The following SALL4 variants were observed in gnomAD, a reference collection of about 807,000 sequenced individuals.
SALL4 encodes the protein sal-like protein 4.
A neutral mutation model predicts 60.8 loss-of-function variants in SALL4; 4 were observed. The observed-to-expected ratio is 0.07, with a 90% CI of 0.03 to 0.15. The LOEUF is 0.15. SALL4 is among the 10% of genes least tolerant of loss of function. The pLI is 1.00. For synonymous variants in SALL4, 580 were observed against 574.9 expected (o/e 1.01, Z -0.13); for missense variants, 1,178 against 1,394.7 (o/e 0.84, Z 2.48).
rs1288062249 is a variant in SALL4, at chr20:51,792,279, C to T, written c.204G>A (p.Arg68=). 1 of 1,611,660 alleles carries T rather than the reference C, an allele frequency of 6.2e-7. No homozygotes were observed. The highest frequency in any genetic ancestry group is 1.3e-5 in the African/African-American group (1 of 75,014). ...ATTTCTCACAGACGTGCGTCTCCTC[C>T]CGACGAAGCCGCTTTACTGTGGCTT... is the stretch of plus-strand genomic sequence containing the variant. The part of the protein sequence containing the change: ...EDEATVKRLR[R]EETHVCEKCC... Residue 68 remains arginine, a synonymous_variant, in exon 2 of 4, where the codon CGG becomes CGA. Coordinates refer to ENST00000217086, the MANE Select transcript of SALL4 (RefSeq NM_020436.5).
Position 51,791,703 on chromosome 20 carries a change from C to G in SALL4, c.780G>C (p.Leu260Phe). ...AAACCTGCTGAGACATGTGGCTGCC[C>G]AAGGTCTTCAGAGTGTCGGCCCCTG... Reference protein sequence around the residue: ...SGAGADTLKTLGSHMSQQVSA... With the variant: ...SGAGADTLKTFGSHMSQQVSA... The change falls in exon 2 of 4, where the codon TTG (leucine) becomes TTC (phenylalanine). Residue 260 changes from leucine to phenylalanine, a missense_variant. Around this residue, in one of 5 missense-constraint regions of SALL4, gnomAD observed 853 missense variants for 1,036.8 expected, o/e 0.82. Coordinates refer to ENST00000217086, the MANE Select transcript of SALL4 (RefSeq NM_020436.5). The surrounding 1 kb of genome is among the most constrained non-coding windows in gnomAD (Gnocchi z 4.6). The G allele has an allele frequency of 6.2e-7, 1 of 1,614,210 alleles. No individual in the cohort carries two copies. The highest frequency in any genetic ancestry group is 8.5e-7 in the Non-Finnish European group (1 of 1,180,048).
At chr20:51,785,985 G>A (rs2077989538) in intron 3 of SALL4, among the ~76,000 whole-genome samples, 1 of 150,714 alleles carries the variant, frequency 6.6e-6, no homozygotes, top group African/African-American at 2.4e-5. Flanking sequence ...CAGTGCAGTG[G>A]CACAGCTCAC....
intron 1 of SALL4, among the ~76,000 whole-genome samples, chr20:51,800,891 T>C (rs1320000800): frequency 6.6e-6 from 1 of 152,162 alleles, no homozygotes; most frequent in East Asian, 1.9e-4. Flanking sequence ...AACGGGGAAT[T>C]CTATTGACGT....
Position 51,791,792 on chromosome 20 carries a change from G to C in SALL4, c.691C>G (p.Leu231Val), listed in dbSNP as rs763201876. Residue 231 changes from leucine (L) to valine (V), a missense_variant, in exon 2 of 4, where the codon CTC (leucine) becomes GTC (valine). Coordinates refer to ENST00000217086, the MANE Select transcript of SALL4 (RefSeq NM_020436.5). This position sits in a 1 kb window ranked among gnomAD's most constrained non-coding sequence, Gnocchi z 4.6. ...ACCTGGATGCGGATCTGCTCGGTGAGCTGGATCTGCTGTAGCTGCTGCTGC... is the reference window on the plus strand; with the variant it reads ...ACCTGGATGCGGATCTGCTCGGTGACCTGGATCTGCTGTAGCTGCTGCTGC... Reference protein sequence around the residue: ...LQQQQLQQIQLTEQIRIQVNM... With the variant: ...LQQQQLQQIQVTEQIRIQVNM... 2 of 1,614,084 alleles carry C rather than the reference G, an allele frequency of 1.2e-6. No homozygotes were observed. The highest frequency in any genetic ancestry group is 1.7e-6 in the Non-Finnish European group (2 of 1,180,052).
Position 51,784,637 on chromosome 20 carries a change from TC to T in SALL4, c.2789del (p.Gly930GlufsTer13), listed in dbSNP as rs764244332. 5.4e-5 allele frequency: 87 copies of T among 1,614,058 alleles called. No homozygotes were observed. Among genetic ancestry groups the T allele is most frequent in the Non-Finnish European group, 7.2e-5 (85 of 1,180,042 alleles). On this transcript the variant is annotated frameshift_variant, in exon 4 of 4. Coordinates refer to ENST00000217086, the MANE Select transcript of SALL4 (RefSeq NM_020436.5). LOFTEE classifies it low-confidence loss of function (END_TRUNC). The part of the protein sequence containing the change: ...HGANNNSARR[G>X]RKLAIENTMA... ...TGGTGTTCTCGATGGCCAACTTCCT[TC>T]CACGGCGGGCTGAGTTATTGTTCGC...
rs143984107 is a variant in SALL4 at position 51,791,522 on chromosome 20, G to T, written c.961C>A (p.Arg321=). 5.0e-6 allele frequency: 8 copies of T among 1,613,930 alleles called. No individual in the cohort carries two copies. Among genetic ancestry groups the T allele is most frequent in the Non-Finnish European group, 6.8e-6 (8 of 1,180,028 alleles). The change falls in exon 2 of 4, where the codon CGG becomes AGG. Residue 321 remains arginine (R), a synonymous_variant. Coordinates refer to ENST00000217086, the MANE Select transcript of SALL4 (RefSeq NM_020436.5). The surrounding 1 kb of genome is among the most constrained non-coding windows in gnomAD (Gnocchi z 4.6). The part of the protein sequence containing the change: ...APFTLKPDGT[R]VLPNVMSRLP... The stretch of plus-strand genomic sequence containing the variant: ...CGGGACATGACGTTCGGGAGCACCC[G>T]GGTCCCATCCGGCTTCAGAGTGAAG...
At chr20:51,789,206 CAA>C in intron 2 of SALL4, 65 bp from the exon 3 acceptor site, 1 of 1,567,016 alleles carries the variant, frequency 6.4e-7, no homozygotes, top group South Asian at 1.2e-5. Flanking sequence ...CTCTTCAAAG[CAA>C]AAGAGATCTT....
At chr20:51,792,614 A>T in intron 1 of SALL4, 1 of 544,660 alleles carries the variant, frequency 1.8e-6, no homozygotes, top group Non-Finnish European at 2.9e-6. Context: ...GCTTGAACCC[A>T]GGAGGCAGAG....
chr20:51,801,921 G>GC lies in SALL4; in HGVS notation c.130+357_130+358insG, dbSNP rs532111333. On this transcript the variant is annotated intron_variant, in intron 1 of 3. Transcript: ENST00000217086. The surrounding 1 kb of genome is among the most constrained non-coding windows in gnomAD (Gnocchi z 5.2). ...GAGGGAGGGGGACCTAAGTTACAAG[G>GC]GGGGGGGGTAACACCAGTGAGGGGA... Among the ~76,000 whole-genome samples the GC allele has an allele frequency of 2.1e-4, 17 of 80,618 alleles. No homozygotes were observed. Among genetic ancestry groups the GC allele is most frequent in the Non-Finnish European group, 1.8e-4 (6 of 32,688 alleles). The allele number at this position is 80,618 out of a possible 152,430, so 52.9% of individuals were successfully genotyped here. A position where few individuals can be genotyped will look rare whatever the true frequency, so the allele number is the denominator to read the frequency against.
intron 3 of SALL4, 149 bp from the exon 4 acceptor site, chr20:51,784,833 A>C: frequency 2.3e-6 from 2 of 870,752 alleles, no homozygotes; most frequent in East Asian, 5.2e-5. Context: ...TGCCCAGATA[A>C]ACTGATTGAA....
At chr20:51,785,879 T>C in intron 3 of SALL4, among the ~76,000 whole-genome samples, 1 of 151,960 alleles carries the variant, frequency 6.6e-6, no homozygotes, top group Non-Finnish European at 1.5e-5. Flanking sequence ...CGTGACCTCG[T>C]GGTCCGCCTG....
rs1258219261 is a variant in SALL4, at chr20:51,795,876, C to T, written c.131-3524G>A. Among the ~76,000 whole-genome samples the T allele has an allele frequency of 2.0e-5, 3 of 152,026 alleles. No individual in the cohort carries two copies. The East Asian group carries it at 5.8e-4, about 29-fold the overall frequency. ...TAAATAAGTTAGGGTGCAGAAAAGG[C>T]GAACGCTTTATAGCCTCCAGAAATA... is the stretch of plus-strand genomic sequence containing the variant. On this transcript the variant is annotated intron_variant, in intron 1 of 3. Transcript: ENST00000217086.
In SALL4 at chr20:51,790,444, C is replaced by A; in HGVS notation, c.2039G>T (p.Gly680Val). The A allele has an allele frequency of 1.2e-6, 2 of 1,614,114 alleles. No individual in the cohort carries two copies. Among genetic ancestry groups the A allele is most frequent in the Non-Finnish European group, 8.5e-7 (1 of 1,180,028 alleles). The part of the protein sequence containing the change: ...PMTVGENGST[G>V]AICHDDVIES... ...GATGACATCATCATGGCAGATAGCGCCGGTGCTGCCGTTCTCACCCACGGT... is the reference window on the plus strand; with the variant it reads ...GATGACATCATCATGGCAGATAGCGACGGTGCTGCCGTTCTCACCCACGGT... The change falls in exon 2 of 4, where the codon GGC (glycine) becomes GTC (valine). Residue 680 changes from glycine (G) to valine (V), a missense_variant. By Grantham distance (109) the Gly-to-Val change is moderately radical (BLOSUM62 -3). This residue lies in a region of SALL4 where 853 missense variants were observed against 1,036.8 expected (regional missense o/e 0.82). Coordinates refer to ENST00000217086, the MANE Select transcript of SALL4 (RefSeq NM_020436.5). The surrounding 1 kb of genome is among the most constrained non-coding windows in gnomAD (Gnocchi z 5.5).
rs760392353 is a variant in SALL4, at chr20:51,792,030, A to C, written c.453T>G (p.Ser151=). 2.5e-6 allele frequency: 4 copies of C among 1,614,122 alleles called. No homozygotes were observed. The highest frequency in any genetic ancestry group is 3.4e-6 in the Non-Finnish European group (4 of 1,180,024). ...EDMKEKPDAE[S]VVYLKTETAL... Reference sequence around the variant, plus strand: ...CTGTCTCTGTCTTTAGGTACACCACAGACTCCGCATCCGGCTTCTCCTTCA... The same window carrying C: ...CTGTCTCTGTCTTTAGGTACACCACCGACTCCGCATCCGGCTTCTCCTTCA... The change falls in exon 2 of 4, where the codon TCT becomes TCG. Residue 151 remains serine (S), a synonymous_variant. Coordinates refer to ENST00000217086, the MANE Select transcript of SALL4 (RefSeq NM_020436.5).
rs1468936902 is a variant in SALL4, at chr20:51,791,585, G to A, written c.898C>T (p.Pro300Ser). 6.2e-7 allele frequency: 1 copy of A among 1,613,496 alleles called. No individual in the cohort carries two copies. The highest frequency in any genetic ancestry group is 8.5e-7 in the Non-Finnish European group (1 of 1,180,054). Residue 300 changes from proline (P) to serine (S), a missense_variant, in exon 2 of 4, where the codon CCT (proline) becomes TCT (serine). Transcript: ENST00000217086. This position sits in a 1 kb window ranked among gnomAD's most constrained non-coding sequence, Gnocchi z 4.6. The stretch of plus-strand genomic sequence containing the variant: ...GGGGACAGGGAGCTGGTGGCAGAAG[G>A]GATGTTGGCGTGAGGTAGCTTGGCT... Reference protein sequence around the residue: ...KQAKLPHANIPSATSSLSPGL... With the variant: ...KQAKLPHANISSATSSLSPGL...
chr20:51,800,576 A>T lies in SALL4; in HGVS notation c.130+1703T>A, dbSNP rs567339534. On this transcript the variant is annotated intron_variant, in intron 1 of 3. Coordinates refer to ENST00000217086, the MANE Select transcript of SALL4 (RefSeq NM_020436.5). ...CCCCACGTGTGTGCGCCCACCCAAA[A>T]TGAAGGGGGAAGGGGAGGTCAGCGT... 9.2e-5 allele frequency among the ~76,000 whole-genome samples: 14 copies of T among 152,246 alleles called. No homozygotes were observed. In the South Asian group the frequency reaches 2.9e-3, roughly 32 times the overall value.
Position 51,802,451 on chromosome 20 carries a change from C to T in SALL4, c.-43G>A, listed in dbSNP as rs377245709. 5 of 1,611,732 alleles carry T rather than the reference C, an allele frequency of 3.1e-6. No individual in the cohort carries two copies. The African/African-American group carries it at 5.3e-5, about 17-fold the overall frequency. Reference sequence around the variant, plus strand: ...GCCGGGAGAGCCGCAGTTATTTGCCCTCTCCGCCACAAATTCCTGGAGTTG... The same window carrying T: ...GCCGGGAGAGCCGCAGTTATTTGCCTTCTCCGCCACAAATTCCTGGAGTTG... On this transcript the variant is annotated 5_prime_UTR_variant, in exon 1 of 4. Coordinates refer to ENST00000217086, the MANE Select transcript of SALL4 (RefSeq NM_020436.5).
rs139485493 is a variant in SALL4 at position 51,791,092 on chromosome 20, G to A, written c.1391C>T (p.Pro464Leu). 6.4e-5 allele frequency: 103 copies of A among 1,614,138 alleles called. No individual in the cohort carries two copies. In the African/African-American group the frequency reaches 1.3e-3, roughly 20 times the overall value. The change falls in exon 2 of 4, where the codon CCC (proline) becomes CTC (leucine). Residue 464 changes from proline (P) to leucine (L), a missense_variant. Physicochemically the swap from Pro to Leu is moderately conservative, Grantham distance 98 (BLOSUM62 -3). This residue lies in a region of SALL4 where 853 missense variants were observed against 1,036.8 expected (regional missense o/e 0.82). Coordinates refer to ENST00000217086, the MANE Select transcript of SALL4 (RefSeq NM_020436.5). This position sits in a 1 kb window ranked among gnomAD's most constrained non-coding sequence, Gnocchi z 4.6. ...GIPYALSVPD[P>L]IDEPSLSLDS... ...TAAAGAAAGACTCGGTTCATCTATG[G>A]GGTCAGGTACAGAGAGTGCATAGGG...
chr20:51,784,783 G>A, intron 3 of SALL4, 99 bp from the exon 4 acceptor site: 1 of 1,346,164 alleles, frequency 7.4e-7, no homozygotes, highest in Non-Finnish European at 1.1e-6. Flanking sequence ...TCTACCCAGT[G>A]TTTTAACATA....
Sources: allele counts gnomAD v4.1 joint callset (sites outside exome capture counted in the v4.1 genomes callset), GRCh38; gene constraint gnomAD v4.1.1; regional missense constraint gnomAD v4.1.1; non-coding constraint Gnocchi (gnomAD v3.1); transcripts MANE v1.5; gene names NCBI Gene and HGNC (gene_info 2026-07-23, HGNC 2026-07-21).